The following TUBGCP4 variants were observed in gnomAD, a reference collection of about 807,000 sequenced individuals.
TUBGCP4 encodes the protein gamma-tubulin complex component 4.
Under a neutral mutation model 91.6 loss-of-function variants are expected in TUBGCP4, and 54 were observed. That is an observed-to-expected ratio of 0.59 (90% confidence interval 0.47 to 0.74). The LOEUF (loss-of-function observed/expected upper bound fraction) is 0.74. Among genes scored for constraint, TUBGCP4 ranks in the 30% least tolerant of loss-of-function variants. The pLI, the probability that TUBGCP4 is intolerant of heterozygous loss-of-function variation, is 0.00. For synonymous variants in TUBGCP4, 297 were observed against 302.8 expected, an observed-to-expected ratio of 0.98 and a Z score of 0.20; for missense variants, 593 against 800.9, an observed-to-expected ratio of 0.74 and a Z score of 3.13.
chr15:43,408,083 G>C lies in TUBGCP4; in HGVS notation c.*2869G>C. On this transcript the variant is annotated 3_prime_UTR_variant, in exon 18 of 18. Transcript: ENST00000564079. Reference sequence around the variant, plus strand: ...CAGATTCTGGAAAGGATTTTCACGGGGTTGCCTATGAAGGAGACAGGAAAG... The same window carrying C: ...CAGATTCTGGAAAGGATTTTCACGGCGTTGCCTATGAAGGAGACAGGAAAG... The C allele has an allele frequency of 6.2e-7, 1 of 1,613,736 alleles. No homozygotes were observed. The highest frequency in any genetic ancestry group is 8.5e-7 in the Non-Finnish European group (1 of 1,179,884).
chr15:43,407,505 A>ACTT lies in TUBGCP4; in HGVS notation c.*2293_*2295dup. 6.2e-7 allele frequency: 1 copy of ACTT among 1,614,212 alleles called. No individual in the cohort carries two copies. Among genetic ancestry groups the ACTT allele is most frequent in the Non-Finnish European group, 8.5e-7 (1 of 1,180,022 alleles). On this transcript the variant is annotated 3_prime_UTR_variant, in exon 18 of 18. Coordinates refer to ENST00000564079, the MANE Select transcript of TUBGCP4 (RefSeq NM_014444.5). ...ACAGGCAGCTGCAATGCTTCAGCACACTTCAGCACCGAGGCTGGGCATGAG... is the reference window on the plus strand; with the variant it reads ...ACAGGCAGCTGCAATGCTTCAGCACACTTCTTCAGCACCGAGGCTGGGCATGAG...
At chr15:43,404,272 A>C (rs2044779972) in intron 16 of TUBGCP4, 141 bp from the exon 17 acceptor site, 2 of 933,494 alleles carry the variant, frequency 2.1e-6, no homozygotes, top group South Asian at 3.6e-5. Flanking sequence ...GAACTAATAG[A>C]AATAGGAATG....
In TUBGCP4 at chr15:43,398,018, T is replaced by C. The variant is rs376236750; in HGVS notation, c.1280-23T>C. ...TAACCAAGTTGTTATCTTTTCTTTTTTTCTTTTCTTTTATCACAGCAGATG... is the reference window on the plus strand; with the variant it reads ...TAACCAAGTTGTTATCTTTTCTTTTCTTCTTTTCTTTTATCACAGCAGATG... On this transcript the variant is annotated intron_variant, in intron 12 of 17. Transcript: ENST00000564079. The C allele has an allele frequency of 2.0e-5, 31 of 1,589,004 alleles. No individual in the cohort carries two copies. Among genetic ancestry groups the C allele is most frequent in the Non-Finnish European group, 2.5e-5 (29 of 1,171,008 alleles).
At chr15:43,396,636 T>C (rs1311508741) in intron 11 of TUBGCP4, among the ~76,000 whole-genome samples, 1 of 152,208 alleles carries the variant, frequency 6.6e-6, no homozygotes, top group Non-Finnish European at 1.5e-5. Flanking sequence ...TTCTCATAAC[T>C]GAAAAGCTCA....
intron 12 of TUBGCP4, among the ~76,000 whole-genome samples, 171 bp downstream of exon 12, chr15:43,397,492 G>T (rs532647572): frequency 3.9e-5 from 6 of 152,104 alleles, no homozygotes; most frequent in African/African-American, 1.4e-4. Context: ...GTCCAGAGAG[G>T]CTAAGTGAGA....
rs116116020 is a variant in TUBGCP4, at chr15:43,400,408, A to G, written c.1596+187A>G. Among the ~76,000 whole-genome samples, 1,840 of 152,062 alleles carry G rather than the reference A, an allele frequency of 0.012. 46 individuals carry two copies. The highest frequency in any genetic ancestry group is 0.043 in the African/African-American group (1,774 of 41,488). On this transcript the variant is annotated intron_variant, in intron 14 of 17. Coordinates refer to ENST00000564079, the MANE Select transcript of TUBGCP4 (RefSeq NM_014444.5). ...GCATTTTATTTTATTTTATTTTATTATTTTTTAGAGACAGGGTCTTTCTCT... is the reference window on the plus strand; with the variant it reads ...GCATTTTATTTTATTTTATTTTATTGTTTTTTAGAGACAGGGTCTTTCTCT...
At chr15:43,381,784 C>T (rs1566892041) in intron 6 of TUBGCP4, among the ~76,000 whole-genome samples, 1 of 152,002 alleles carries the variant, frequency 6.6e-6, no homozygotes, top group African/African-American at 2.4e-5. Flanking sequence ...TTTAGTTTCA[C>T]CATTTGTTAA....
chr15:43,395,785 C>A, intron 11 of TUBGCP4, 97 bp downstream of exon 11: 3 of 958,630 alleles, frequency 3.1e-6, no homozygotes, highest in Non-Finnish European at 5.0e-6. Context: ...CACATAAGAG[C>A]AGCCTGATGA....
rs1303803854 is a variant in TUBGCP4 at position 43,408,297 on chromosome 15, G to C, written c.*3083G>C. The C allele has an allele frequency of 1.9e-6, 1 of 515,882 alleles. No homozygotes were observed. The highest frequency in any genetic ancestry group is 3.5e-6 in the Non-Finnish European group (1 of 288,624). The allele number at this position is 515,882 out of a possible 1,614,324, so 32.0% of individuals were successfully genotyped here. A position where few individuals can be genotyped will look rare whatever the true frequency, so the allele number is the denominator to read the frequency against. On this transcript the variant is annotated 3_prime_UTR_variant, in exon 18 of 18. Coordinates refer to ENST00000564079, the MANE Select transcript of TUBGCP4 (RefSeq NM_014444.5). ...GTTCGAGACCAGCCTGGGCAATGTG[G>C]TGAGACCCCATCTCTACAAAAGACA...
Position 43,405,565 on chromosome 15 carries a change from C to T in TUBGCP4, c.*351C>T, listed in dbSNP as rs1295956526. 4.0e-6 allele frequency: 1 copy of T among 252,132 alleles called. No homozygotes were observed. The highest frequency in any genetic ancestry group is 5.0e-5 in the Admixed American group (1 of 19,890). 15.6% of individuals were successfully genotyped at this position (252,132 alleles called of 1,614,324 possible). A position where few individuals can be genotyped will look rare whatever the true frequency, so the allele number is the denominator to read the frequency against. ...ACAGCGGTAAACAAACAATATAGAGCAGAAAGTTAAATATTTTATGGTTCA... is the reference window on the plus strand; with the variant it reads ...ACAGCGGTAAACAAACAATATAGAGTAGAAAGTTAAATATTTTATGGTTCA... On this transcript the variant is annotated 3_prime_UTR_variant, in exon 18 of 18. Coordinates refer to ENST00000564079, the MANE Select transcript of TUBGCP4 (RefSeq NM_014444.5).
At chr15:43,386,377 A>ATATATATATATATATATTTTTTT (rs1555394852) in intron 9 of TUBGCP4, 47 bp downstream of exon 9, 1 of 19,102 alleles carries the variant, frequency 5.2e-5, no homozygotes, top group Admixed American at 1.1e-3. Context: ...ATATATATAT[A>ATATATATATATATATATTTTTTT]TTTTTTTTTT....
At chr15:43,401,484 G>C (rs2044678426) in intron 14 of TUBGCP4, among the ~76,000 whole-genome samples, 1 of 151,824 alleles carries the variant, frequency 6.6e-6, no homozygotes, top group Admixed American at 6.6e-5. Context: ...GAAAAGGATG[G>C]GGCAGGGGAG....
In TUBGCP4 at chr15:43,407,639, T is replaced by A; in HGVS notation, c.*2425T>A. Reference sequence around the variant, plus strand: ...TTAGCCCTCCATTAGAAAGAGAGATTTGATTCTAACCAATACATCCCACTC... The same window carrying A: ...TTAGCCCTCCATTAGAAAGAGAGATATGATTCTAACCAATACATCCCACTC... On this transcript the variant is annotated 3_prime_UTR_variant, in exon 18 of 18. Coordinates refer to ENST00000564079, the MANE Select transcript of TUBGCP4 (RefSeq NM_014444.5). The A allele has an allele frequency of 6.8e-7, 1 of 1,459,918 alleles. No individual in the cohort carries two copies. The highest frequency in any genetic ancestry group is 9.3e-7 in the Non-Finnish European group (1 of 1,073,612). The allele number at this position is 1,459,918 out of a possible 1,614,324, so 90.4% of individuals were successfully genotyped here.
At position 43,400,200 on chromosome 15, in the gene TUBGCP4, T is replaced by A. The variant is rs1013157326; in HGVS notation, c.1575T>A (p.Asp525Glu). The A allele has an allele frequency of 6.2e-7, 1 of 1,613,974 alleles. No individual in the cohort carries two copies. Among genetic ancestry groups the A allele is most frequent in the African/African-American group, 1.3e-5 (1 of 74,884 alleles). ...GAAATCACATGGCATTTTTGGTGGA[T>A]AATCTTCAGTACTATCTCCAGGTCT... Reference protein sequence around the residue: ...RLRNHMAFLVDNLQYYLQVDV... With the variant: ...RLRNHMAFLVENLQYYLQVDV... The change falls in exon 14 of 18, where the codon GAT (aspartate) becomes GAA (glutamate). Residue 525 changes from aspartate to glutamate, a missense_variant. Coordinates refer to ENST00000564079, the MANE Select transcript of TUBGCP4 (RefSeq NM_014444.5).
chr15:43,407,863 G>C lies in TUBGCP4; in HGVS notation c.*2649G>C. On this transcript the variant is annotated 3_prime_UTR_variant, in exon 18 of 18. Transcript: ENST00000564079. The stretch of plus-strand genomic sequence containing the variant: ...GATACGGTCAACCTATTAGGCCTGA[G>C]CCTTGGACCACAAGGCCTAACACCT... 7.1e-7 allele frequency: 1 copy of C among 1,407,534 alleles called. No homozygotes were observed. The highest frequency in any genetic ancestry group is 9.6e-7 in the Non-Finnish European group (1 of 1,038,192). The allele number at this position is 1,407,534 out of a possible 1,614,324, so 87.2% of individuals were successfully genotyped here. A position where few individuals can be genotyped will look rare whatever the true frequency, so the allele number is the denominator to read the frequency against.
At chr15:43,383,099 T>C (rs1279340928) in intron 6 of TUBGCP4, among the ~76,000 whole-genome samples, 1 of 152,204 alleles carries the variant, frequency 6.6e-6, no homozygotes, top group Non-Finnish European at 1.5e-5. Flanking sequence ...TCAGCACATA[T>C]ACTGAACATT....
At chr15:43,401,407 G>A (rs1265891861) in intron 14 of TUBGCP4, among the ~76,000 whole-genome samples, 1 of 146,180 alleles carries the variant, frequency 6.8e-6, no homozygotes, top group Non-Finnish European at 1.5e-5. Context: ...AGCCAGGATC[G>A]CACCACTGCA....
At position 43,378,198 on chromosome 15, in the gene TUBGCP4, T is replaced by G. The variant is rs578064843; in HGVS notation, c.441+295T>G. On this transcript the variant is annotated intron_variant, in intron 5 of 17. Coordinates refer to ENST00000564079, the MANE Select transcript of TUBGCP4 (RefSeq NM_014444.5). ...GTTTGCAGGTGAGAGGAACCTGCAG[T>G]AAGGTTTTAGAACTGTTGGGTGTGA... Among the ~76,000 whole-genome samples, 89 of 152,288 alleles carry G rather than the reference T, an allele frequency of 5.8e-4. 2 individuals are homozygous for G. The South Asian group carries it at 0.018, about 31-fold the overall frequency.
In TUBGCP4 at chr15:43,408,144, C is replaced by G; in HGVS notation, c.*2930C>G. 6.4e-7 allele frequency: 1 copy of G among 1,567,326 alleles called. No homozygotes were observed. The highest frequency in any genetic ancestry group is 1.2e-5 in the South Asian group (1 of 86,382). On this transcript the variant is annotated 3_prime_UTR_variant, in exon 18 of 18. Coordinates refer to ENST00000564079, the MANE Select transcript of TUBGCP4 (RefSeq NM_014444.5). ...TGACAAGTAATATCCAACAAACTGC[C>G]TTTCTGCAAAGGGACTCATGTACAT... is the stretch of plus-strand genomic sequence containing the variant.
Sources: gnomAD v4.1 joint callset for allele counts (sites outside exome capture counted in the v4.1 genomes callset) on GRCh38, gnomAD v4.1.1 for gene constraint, MANE v1.5 for transcripts, NCBI Gene and HGNC (gene_info 2026-07-23, HGNC 2026-07-21) for gene names.